Variants in VPS13B observed in about 807,000 individuals in gnomAD.
The protein encoded by VPS13B is intermembrane lipid transfer protein VPS13B.
A neutral mutation model predicts 426.4 loss-of-function variants in VPS13B; 285 were observed. The ratio of observed to expected loss-of-function variants is 0.67; its 90% confidence interval spans 0.61 to 0.74. The LOEUF (loss-of-function observed/expected upper bound fraction) is 0.74. Ranked by LOEUF, VPS13B falls within the 30% of genes least tolerant of loss-of-function variation. The probability of loss-of-function intolerance (pLI) is 0.00; values close to 1 mark genes in which losing one functional copy is unlikely to be tolerated. For synonymous variants in VPS13B, 1,676 were observed against 1,676.4 expected (o/e 1.00, Z 0.01); for missense variants, 4,537 against 4,782.6 (o/e 0.95, Z 1.51).
At chr8:99,501,054 T>C (rs1201050048) in intron 25 of VPS13B, among the ~76,000 whole-genome samples, 1 of 152,108 alleles carries the variant, frequency 6.6e-6, no homozygotes, top group Non-Finnish European at 1.5e-5. Context: ...ATAAGACACT[T>C]AAAAAAATCT....
At chr8:99,352,728 GC>G (rs772868977) in intron 19 of VPS13B, among the ~76,000 whole-genome samples, 7 of 151,598 alleles carry the variant, frequency 4.6e-5, no homozygotes, top group Non-Finnish European at 8.8e-5. Flanking sequence ...AGAGGCTGAG[GC>G]CATAGAATCG....
intron 39 of VPS13B, among the ~76,000 whole-genome samples, chr8:99,730,072 T>G (rs1038699889): frequency 2.0e-5 from 3 of 152,226 alleles, no homozygotes; most frequent in Admixed American, 6.5e-5. Context: ...CTTGGATGTT[T>G]CTTTTCAGCT....
intron 15 of VPS13B, among the ~76,000 whole-genome samples, chr8:99,163,621 C>A (rs893813373): frequency 6.6e-6 from 1 of 152,226 alleles, no homozygotes; most frequent in Non-Finnish European, 1.5e-5. Flanking sequence ...CCCAGTACAC[C>A]CTCGGCAGCC....
At chr8:99,773,126 A>G (rs1047316156) in intron 40 of VPS13B, among the ~76,000 whole-genome samples, 1 of 152,198 alleles carries the variant, frequency 6.6e-6, no homozygotes, top group African/African-American at 2.4e-5. Flanking sequence ...GTTTATATGC[A>G]GTAGCTCATG....
chr8:99,115,473 A>G (rs1847607432), intron 6 of VPS13B, among the ~76,000 whole-genome samples: 2 of 152,152 alleles, frequency 1.3e-5, no homozygotes, highest in African/African-American at 4.8e-5. Context: ...ATTTGTATGT[A>G]CATCATTTGG....
At chr8:99,717,968 A>G (rs1425006719) in intron 37 of VPS13B, among the ~76,000 whole-genome samples, 1 of 152,180 alleles carries the variant, frequency 6.6e-6, no homozygotes, top group African/African-American at 2.4e-5. Flanking sequence ...GCTGCTATGA[A>G]TAATGCTGCC....
chr8:99,089,207 G>A (rs1363586045), intron 3 of VPS13B, among the ~76,000 whole-genome samples: 3 of 152,098 alleles, frequency 2.0e-5, no homozygotes, highest in Non-Finnish European at 4.4e-5. Context: ...TCATAGAGTC[G>A]ATTAGGAGGA....
intron 17 of VPS13B, among the ~76,000 whole-genome samples, chr8:99,212,531 A>C (rs1815147882): frequency 1.3e-5 from 2 of 152,190 alleles, no homozygotes; most frequent in African/African-American, 4.8e-5. Flanking sequence ...TCTGAGGAAG[A>C]CAGGTGGAGG....
chr8:99,289,737 G>C (rs1184371036), intron 19 of VPS13B, among the ~76,000 whole-genome samples: 1 of 152,136 alleles, frequency 6.6e-6, no homozygotes. Flanking sequence ...AGAGGAAAGA[G>C]TGAAGGAGGA....
At chr8:99,118,621 A>G (rs1232886424) in intron 7 of VPS13B, among the ~76,000 whole-genome samples, 1 of 152,126 alleles carries the variant, frequency 6.6e-6, no homozygotes, top group East Asian at 1.9e-4. Context: ...CTGATTCTAG[A>G]ATTTCATATA....
At chr8:99,604,360 T>C (rs1322223073) in intron 33 of VPS13B, among the ~76,000 whole-genome samples, 1 of 152,192 alleles carries the variant, frequency 6.6e-6, no homozygotes, top group Non-Finnish European at 1.5e-5. Flanking sequence ...TTTATTTGCA[T>C]GTTCTCAATT....
intron 33 of VPS13B, chr8:99,577,885 A>T (rs544265840): frequency 4.2e-6 from 2 of 470,870 alleles, no homozygotes; most frequent in East Asian, 4.2e-5. Flanking sequence ...TCTGTTATAT[A>T]CATAACTTTA....
chr8:99,779,709 A>C (rs1020001387), intron 42 of VPS13B, among the ~76,000 whole-genome samples: 15 of 152,230 alleles, frequency 9.9e-5, no homozygotes, highest in African/African-American at 3.6e-4. Flanking sequence ...GTCTGCTAGC[A>C]CAAAAGTAAC....
At chr8:99,729,843 T>C (rs1833515930) in intron 39 of VPS13B, among the ~76,000 whole-genome samples, 2 of 152,232 alleles carry the variant, frequency 1.3e-5, no homozygotes, top group Admixed American at 6.5e-5. Flanking sequence ...CAGATAGTAA[T>C]AGTCAGTATT....
chr8:99,742,553 G>A (rs2130484388), intron 39 of VPS13B, among the ~76,000 whole-genome samples: 1 of 152,262 alleles, frequency 6.6e-6, no homozygotes, highest in Non-Finnish European at 1.5e-5. Flanking sequence ...TATCCCTGAT[G>A]AACATTGATG....
chr8:99,497,383 T>C (rs1006061974), intron 25 of VPS13B, among the ~76,000 whole-genome samples: 2 of 144,508 alleles, frequency 1.4e-5, no homozygotes, highest in African/African-American at 5.0e-5. Context: ...TATATTTAAA[T>C]ATAAAAATAT....
chr8:99,572,248 A>G (rs575231965), intron 31 of VPS13B, among the ~76,000 whole-genome samples: 15 of 152,222 alleles, frequency 9.9e-5, no homozygotes, highest in Middle Eastern at 3.4e-3. Flanking sequence ...ACCAGCACAA[A>G]CTTTGCTTTC....
At chr8:99,690,374 T>A (rs1831602050) in intron 35 of VPS13B, among the ~76,000 whole-genome samples, 4 of 152,194 alleles carry the variant, frequency 2.6e-5, no homozygotes, top group Admixed American at 2.6e-4. Flanking sequence ...TAGGTGTAAA[T>A]CTTTGTGACT....
intron 36 of VPS13B, among the ~76,000 whole-genome samples, chr8:99,706,177 C>T (rs1001629269): frequency 6.6e-6 from 1 of 152,110 alleles, no homozygotes. Context: ...ACCACCACCG[C>T]AACCAATAAA....
Sources: gnomAD v4.1 joint callset for allele counts (sites outside exome capture counted in the v4.1 genomes callset) on GRCh38, gnomAD v4.1.1 for gene constraint, MANE v1.5 for transcripts, NCBI Gene and HGNC (gene_info 2026-07-23, HGNC 2026-07-21) for gene names.